Variants in ADAD1 observed in about 807,000 individuals in gnomAD.
The protein encoded by ADAD1 is adenosine deaminase domain-containing protein 1.
In ADAD1, 46 loss-of-function variants were observed where a neutral mutation model predicts 66.8. That is an observed-to-expected ratio of 0.69 (90% CI 0.54 to 0.88). ADAD1 has a LOEUF of 0.88. ADAD1 is among the 40% of genes least tolerant of loss of function. The pLI is 0.00. For synonymous variants in ADAD1, 248 were observed against 229.4 expected (o/e 1.08, Z -0.73); for missense variants, 617 against 681.8 (o/e 0.91, Z 1.06).
At chr4:122,412,861 C>T (rs1035698514) in intron 10 of ADAD1, 52 bp downstream of exon 10, 2 of 1,428,280 alleles carry the variant, frequency 1.4e-6, no homozygotes, top group African/African-American at 2.8e-5. Context: ...AGCAAATTCT[C>T]TGTATTTTAC....
intron 10 of ADAD1, 24 bp downstream of exon 10, chr4:122,412,833 T>C (rs1324734711): frequency 6.3e-7 from 1 of 1,588,984 alleles, no homozygotes; most frequent in East Asian, 2.2e-5. Flanking sequence ...CAGAACCTCC[T>C]GGGCCTCTCA....
At chr4:122,406,356 C>T (rs1305867342) in intron 7 of ADAD1, among the ~76,000 whole-genome samples, 1 of 151,988 alleles carries the variant, frequency 6.6e-6, no homozygotes, top group Non-Finnish European at 1.5e-5. Context: ...GTTTGTATGT[C>T]TTCTATAAAA....
intron 8 of ADAD1, 64 bp from the exon 9 acceptor site, chr4:122,411,158 A>G: frequency 7.7e-7 from 1 of 1,292,062 alleles, no homozygotes; most frequent in Non-Finnish European, 1.0e-6. Flanking sequence ...TGTGGACATG[A>G]TGCTCATTAA....
chr4:122,383,995 T>G (rs1561529954), intron 5 of ADAD1, 29 bp downstream of exon 5: 3 of 1,537,752 alleles, frequency 2.0e-6, no homozygotes, highest in Non-Finnish European at 2.6e-6. Flanking sequence ...AAAGTATTTA[T>G]AAGAGGTATC....
At chr4:122,422,355 C>T (rs760612715) in intron 12 of ADAD1, among the ~76,000 whole-genome samples, 3 of 152,116 alleles carry the variant, frequency 2.0e-5, no homozygotes, top group Admixed American at 6.5e-5. Context: ...GAACTCCTCA[C>T]GTCAGGTGAT....
chr4:122,403,266 G>A (rs964035365), intron 7 of ADAD1, among the ~76,000 whole-genome samples: 2 of 152,018 alleles, frequency 1.3e-5, no homozygotes, highest in African/African-American at 4.8e-5. Context: ...TGCCCTTCTG[G>A]GTGTAGCCAT....
chr4:122,421,830 G>A (rs1007524008), intron 12 of ADAD1, among the ~76,000 whole-genome samples: 2 of 151,780 alleles, frequency 1.3e-5, no homozygotes, highest in African/African-American at 4.8e-5. Flanking sequence ...TGATTTAGTA[G>A]GTAAGGTACA....
chr4:122,388,752 TTTCTC>T (rs1026158103), intron 5 of ADAD1, among the ~76,000 whole-genome samples: 7 of 152,162 alleles, frequency 4.6e-5, no homozygotes, highest in African/African-American at 7.2e-5. Context: ...ATTTGATTCT[TTTCTC>T]TTCTTCTTTA....
At chr4:122,412,141 G>T (rs921531438) in intron 9 of ADAD1, among the ~76,000 whole-genome samples, 2 of 152,002 alleles carry the variant, frequency 1.3e-5, no homozygotes, top group Non-Finnish European at 2.9e-5. Flanking sequence ...TTGAAATTAA[G>T]GTCAGTGTTC....
chr4:122,429,382 C>T (rs1797412676), intron 12 of ADAD1, among the ~76,000 whole-genome samples: 1 of 150,576 alleles, frequency 6.6e-6, no homozygotes, highest in Non-Finnish European at 1.5e-5. Flanking sequence ...ATCATGCCAC[C>T]ATACTCCAAC....
chr4:122,420,722 C>G (rs1229529670), intron 11 of ADAD1, among the ~76,000 whole-genome samples: 3 of 152,120 alleles, frequency 2.0e-5, no homozygotes, highest in African/African-American at 7.2e-5. Flanking sequence ...GATCTAGGGA[C>G]CCACTTTCAT....
chr4:122,416,928 G>C (rs1796763337), intron 11 of ADAD1, among the ~76,000 whole-genome samples: 1 of 152,074 alleles, frequency 6.6e-6, no homozygotes, highest in Admixed American at 6.6e-5. Flanking sequence ...TTCTATGAAA[G>C]ACATCAAAAA....
chr4:122,398,412 A>T, intron 7 of ADAD1, among the ~76,000 whole-genome samples: 1 of 151,994 alleles, frequency 6.6e-6, no homozygotes, highest in African/African-American at 2.4e-5. Context: ...ATATTTTTGC[A>T]GTTGCAAATT....
At chr4:122,383,153 A>G (rs1794984312) in intron 4 of ADAD1, among the ~76,000 whole-genome samples, 1 of 152,162 alleles carries the variant, frequency 6.6e-6, no homozygotes, top group Non-Finnish European at 1.5e-5. Context: ...AAGTAAATAA[A>G]TTGTGATGAC....
intron 5 of ADAD1, among the ~76,000 whole-genome samples, chr4:122,391,850 C>T (rs549022111): frequency 4.6e-5 from 7 of 152,272 alleles, no homozygotes; most frequent in Non-Finnish European, 8.8e-5. Context: ...GCTGGAATTA[C>T]AGGTGCGCGC....
Position 122,380,140 on chromosome 4 carries a change from T to A in ADAD1, c.71T>A (p.Leu24Gln). 6.2e-7 allele frequency: 1 copy of A among 1,614,180 alleles called. No homozygotes were observed. Among genetic ancestry groups the A allele is most frequent in the South Asian group, 1.1e-5 (1 of 91,076 alleles). Residue 24 changes from leucine (L) to glutamine (Q), a missense_variant, in exon 3 of 13, where the codon CTG (leucine) becomes CAG (glutamine). By Grantham distance (113) the Leu-to-Gln change is moderately radical. Transcript: ENST00000296513. ...TTTGCCCAGATGCTGAAAAAGAACC[T>A]GCCAGTTCAACCAGCGACAAAGACG... is the stretch of plus-strand genomic sequence containing the variant. ...PSFAQMLKKN[L>Q]PVQPATKTIT... is the part of the protein sequence containing the mutation.
intron 12 of ADAD1, among the ~76,000 whole-genome samples, chr4:122,425,652 A>G (rs1797198167): frequency 6.6e-6 from 1 of 151,932 alleles, no homozygotes; most frequent in Non-Finnish European, 1.5e-5. Context: ...AAAATACAGT[A>G]TAACAACTAT....
At chr4:122,394,760 C>T (rs531281962) in intron 6 of ADAD1, among the ~76,000 whole-genome samples, 8 of 152,182 alleles carry the variant, frequency 5.3e-5, no homozygotes, top group East Asian at 1.9e-4. Flanking sequence ...AGGATAGAAT[C>T]CTAAGTCAAG....
At chr4:122,391,165 T>A (rs571157775) in intron 5 of ADAD1, among the ~76,000 whole-genome samples, 7 of 152,214 alleles carry the variant, frequency 4.6e-5, no homozygotes, top group African/African-American at 1.2e-4. Flanking sequence ...CAGGCCCTAT[T>A]TATCTGATTC....
Sources: allele counts gnomAD v4.1 joint callset (sites outside exome capture counted in the v4.1 genomes callset), GRCh38; gene constraint gnomAD v4.1.1; transcripts MANE v1.5; gene names NCBI Gene and HGNC (gene_info 2026-07-23, HGNC 2026-07-21).